The following AGPAT3 variants were observed in gnomAD, a reference collection of about 807,000 sequenced individuals.
AGPAT3 encodes 1-acyl-sn-glycerol-3-phosphate acyltransferase gamma.
AGPAT3 carries 5 observed loss-of-function variants against 47.3 expected under a neutral mutation model. The observed-to-expected ratio is 0.11, with a 90% CI of 0.06 to 0.22. The LOEUF is 0.22. Ranked by LOEUF, AGPAT3 falls within the 10% of genes least tolerant of loss-of-function variation. AGPAT3 has a pLI of 1.00. For synonymous variants in AGPAT3, 212 were observed against 208.3 expected (o/e 1.02, Z -0.15); for missense variants, 315 against 493.0 (o/e 0.64, Z 3.42).
intron 1 of AGPAT3, among the ~76,000 whole-genome samples, chr21:43,875,890 GAGCCACCGTGCCC>G (rs2085723057): frequency 6.6e-6 from 1 of 152,206 alleles, no homozygotes; most frequent in South Asian, 2.1e-4. Context: ...TTACAGGTGT[GAGCCACCGTGCCC>G]AGCCTCTGCG....
At position 43,950,143 on chromosome 21, in the gene AGPAT3, ACT is replaced by A. The variant is rs943598112; in HGVS notation, c.-48-9488_-48-9487del. On this transcript the variant is annotated intron_variant, in intron 2 of 9. Coordinates refer to ENST00000291572, the MANE Select transcript of AGPAT3 (RefSeq NM_020132.5). ...GAGCCATTAAGAGAGCAAGAGATAA[ACT>A]CTGTGATTGTCTTGGTCTCTTCTGA... is the stretch of plus-strand genomic sequence containing the variant. Among the ~76,000 whole-genome samples, 19 of 152,076 alleles carry A rather than the reference ACT, an allele frequency of 1.2e-4. 1 individual carries two copies. Among genetic ancestry groups the A allele is most frequent in the African/African-American group, 4.1e-4 (17 of 41,472 alleles).
intron 3 of AGPAT3, among the ~76,000 whole-genome samples, chr21:43,962,954 A>G (rs1216036097): frequency 6.6e-6 from 1 of 152,214 alleles, no homozygotes; most frequent in Non-Finnish European, 1.5e-5. Context: ...AGAACTGTAG[A>G]TATTTTAAAG....
At chr21:43,907,994 T>C (rs554235733) in intron 2 of AGPAT3, among the ~76,000 whole-genome samples, 3 of 152,184 alleles carry the variant, frequency 2.0e-5, no homozygotes, top group Non-Finnish European at 4.4e-5. Context: ...CGTGGAAGCA[T>C]GTTCCCGTAA....
At position 43,903,134 on chromosome 21, in the gene AGPAT3, T is replaced by C. The variant is rs116496362; in HGVS notation, c.-111-823T>C. 8.9e-3 allele frequency among the ~76,000 whole-genome samples: 1,359 copies of C among 152,338 alleles called. 23 individuals carry two copies. Among genetic ancestry groups the C allele is most frequent in the African/African-American group, 0.03 (1,256 of 41,566 alleles). ...AAGTGGGTGAGCTTTGAGGACATTA[T>C]ACTGAGTGAAATAAGCCAGTCACAT... is the stretch of plus-strand genomic sequence containing the variant. On this transcript the variant is annotated intron_variant, in intron 1 of 9. Transcript: ENST00000291572.
At chr21:43,868,033 G>T (rs896341476) in intron 1 of AGPAT3, among the ~76,000 whole-genome samples, 3 of 152,170 alleles carry the variant, frequency 2.0e-5, no homozygotes, top group Admixed American at 6.5e-5. Context: ...TGCATTAATC[G>T]TTCACCTTCT....
At position 43,932,190 on chromosome 21, in the gene AGPAT3, G is replaced by A. The variant is rs866601143; in HGVS notation, c.-48-27444G>A. On this transcript the variant is annotated intron_variant, in intron 2 of 9. Coordinates refer to ENST00000291572, the MANE Select transcript of AGPAT3 (RefSeq NM_020132.5). This position sits in a 1 kb window ranked among gnomAD's most constrained non-coding sequence, Gnocchi z 5.2. ...TATTGTTAACTGGTCGCCACGCAGC[G>A]CGGCCGATCACGAACACGTCCCTCC... 1.3e-5 allele frequency among the ~76,000 whole-genome samples: 2 copies of A among 152,250 alleles called. No homozygotes were observed. The highest frequency in any genetic ancestry group is 2.4e-5 in the African/African-American group (1 of 41,536).
At position 43,922,286 on chromosome 21, in the gene AGPAT3, C is replaced by G. The variant is rs768359123; in HGVS notation, c.-49+18267C>G. 6.6e-6 allele frequency among the ~76,000 whole-genome samples: 1 copy of G among 151,934 alleles called. No individual in the cohort carries two copies. Among genetic ancestry groups the G allele is most frequent in the Non-Finnish European group, 1.5e-5 (1 of 67,932 alleles). ...GAGGCTCCTGTTCTTGTGGGGGTGG[C>G]GAGGCGAGGATGGTGAACACATCAG... is the stretch of plus-strand genomic sequence containing the variant. On this transcript the variant is annotated intron_variant, in intron 2 of 9. Coordinates refer to ENST00000291572, the MANE Select transcript of AGPAT3 (RefSeq NM_020132.5). The surrounding 1 kb of genome is among the most constrained non-coding windows in gnomAD (Gnocchi z 4.9).
rs1051013429 is a variant in AGPAT3 at position 43,954,578 on chromosome 21, CG to C, written c.-48-5053del. Reference sequence around the variant, plus strand: ...CTCCAGGACGTAGAGGTTGATGATCCGGGCAGGTGGCCTTCAGCGAGGGAGC... The same window carrying C: ...CTCCAGGACGTAGAGGTTGATGATCCGGCAGGTGGCCTTCAGCGAGGGAGC... On this transcript the variant is annotated intron_variant, in intron 2 of 9. Coordinates refer to ENST00000291572, the MANE Select transcript of AGPAT3 (RefSeq NM_020132.5). This position sits in a 1 kb window ranked among gnomAD's most constrained non-coding sequence, Gnocchi z 4.0. The C allele has an allele frequency of 1.3e-5, 2 of 152,304 alleles. No homozygotes were observed. Among genetic ancestry groups the C allele is most frequent in the Non-Finnish European group, 2.9e-5 (2 of 68,110 alleles). 9.4% of individuals were successfully genotyped at this position (152,304 alleles called of 1,614,324 possible).
Position 43,922,006 on chromosome 21 carries a change from T to C in AGPAT3, c.-49+17987T>C, listed in dbSNP as rs935345284. ...ATTCTTTTCCTGATTTCTCTGTCTCTCGATGCCATTTTTGTGAAGGTTTAG... is the reference window on the plus strand; with the variant it reads ...ATTCTTTTCCTGATTTCTCTGTCTCCCGATGCCATTTTTGTGAAGGTTTAG... On this transcript the variant is annotated intron_variant, in intron 2 of 9. Coordinates refer to ENST00000291572, the MANE Select transcript of AGPAT3 (RefSeq NM_020132.5). This position sits in a 1 kb window ranked among gnomAD's most constrained non-coding sequence, Gnocchi z 4.9. Among the ~76,000 whole-genome samples the C allele has an allele frequency of 1.8e-4, 28 of 152,320 alleles. 1 individual carries two copies. The highest frequency in any genetic ancestry group is 6.0e-4 in the African/African-American group (25 of 41,564).
At chr21:43,927,151 G>A (rs1329592024) in intron 2 of AGPAT3, among the ~76,000 whole-genome samples, 1 of 152,000 alleles carries the variant, frequency 6.6e-6, no homozygotes. Context: ...ACGGGGTGAG[G>A]GCTGAGCATT....
intron 1 of AGPAT3, among the ~76,000 whole-genome samples, chr21:43,897,794 A>G (rs940009645): frequency 2.0e-5 from 3 of 152,268 alleles, no homozygotes; most frequent in Middle Eastern, 3.4e-3. Flanking sequence ...GCAGGCGGCT[A>G]GGAGGTGGAG....
Position 43,970,714 on chromosome 21 carries a change from TGGC to T in AGPAT3, c.576_578del (p.Ala194del). On this transcript the variant is annotated inframe_deletion, in exon 6 of 10. Coordinates refer to ENST00000291572, the MANE Select transcript of AGPAT3 (RefSeq NM_020132.5). This position sits in a 1 kb window ranked among gnomAD's most constrained non-coding sequence, Gnocchi z 5.8. ...ACCAAGCACCGCGTTAGCATGGAGG[TGGC>T]GGCTGCTAAGGGGCTTCCTGTCCTC... is the stretch of plus-strand genomic sequence containing the variant. The T allele has an allele frequency of 6.2e-7, 1 of 1,613,448 alleles. No homozygotes were observed.
At chr21:43,974,033 C>T (rs1453049618) in intron 7 of AGPAT3, among the ~76,000 whole-genome samples, 7 of 152,012 alleles carry the variant, frequency 4.6e-5, no homozygotes, top group African/African-American at 7.3e-5. Context: ...AACAGACATA[C>T]GATAAAACCT....
chr21:43,961,639 C>T (rs1419984977), intron 3 of AGPAT3, among the ~76,000 whole-genome samples: 1 of 150,780 alleles, frequency 6.6e-6, no homozygotes, highest in Non-Finnish European at 1.5e-5. Context: ...ACGGTGAGCG[C>T]GTATACGCTT....
Position 43,955,585 on chromosome 21 carries a change from C to T in AGPAT3, c.-48-4049C>T, listed in dbSNP as rs959034265. Among the ~76,000 whole-genome samples the T allele has an allele frequency of 2.0e-5, 3 of 152,052 alleles. No homozygotes were observed. The highest frequency in any genetic ancestry group is 4.0e-4 in the East Asian group (2 of 5,062). On this transcript the variant is annotated intron_variant, in intron 2 of 9. Transcript: ENST00000291572. This position sits in a 1 kb window ranked among gnomAD's most constrained non-coding sequence, Gnocchi z 4.1. The stretch of plus-strand genomic sequence containing the variant: ...CTCAGATTACAGGTGTGAGCCACCG[C>T]GCCCGGCTGAGAATCTGATTTTTAA...
At chr21:43,882,033 G>A (rs56242868) in intron 1 of AGPAT3, among the ~76,000 whole-genome samples, 2,461 of 152,370 alleles carry the variant, frequency 0.016, 23 homozygotes, top group Non-Finnish European at 0.026. Context: ...CACACAGGCC[G>A]GCATTTGCAG....
Position 43,954,954 on chromosome 21 carries a change from G to C in AGPAT3, c.-48-4680G>C, listed in dbSNP as rs575463685. On this transcript the variant is annotated intron_variant, in intron 2 of 9. Coordinates refer to ENST00000291572, the MANE Select transcript of AGPAT3 (RefSeq NM_020132.5). This position sits in a 1 kb window ranked among gnomAD's most constrained non-coding sequence, Gnocchi z 4.0. Reference sequence around the variant, plus strand: ...TCAGGTGATGGACCAGAGACTGGCCGCTTTGTGACACCGAGGACGGTTGAT... The same window carrying C: ...TCAGGTGATGGACCAGAGACTGGCCCCTTTGTGACACCGAGGACGGTTGAT... 4 of 1,041,934 alleles carry C rather than the reference G, an allele frequency of 3.8e-6. No homozygotes were observed. The East Asian group carries it at 3.5e-4, about 91-fold the overall frequency. The allele number at this position is 1,041,934 out of a possible 1,614,324, so 64.5% of individuals were successfully genotyped here.
Position 43,939,583 on chromosome 21 carries a change from T to G in AGPAT3, c.-48-20051T>G, listed in dbSNP as rs2087581997. 6.6e-6 allele frequency among the ~76,000 whole-genome samples: 1 copy of G among 151,952 alleles called. No homozygotes were observed. Among genetic ancestry groups the G allele is most frequent in the South Asian group, 2.1e-4 (1 of 4,826 alleles). ...AAACCTTGCTGCAGTTTGGAGAGAG[T>G]GTCGCGGGCGCCTGGCCTGTCCGGC... On this transcript the variant is annotated intron_variant, in intron 2 of 9. Coordinates refer to ENST00000291572, the MANE Select transcript of AGPAT3 (RefSeq NM_020132.5). This position sits in a 1 kb window ranked among gnomAD's most constrained non-coding sequence, Gnocchi z 4.4.
rs575294544 is a variant in AGPAT3, at chr21:43,959,339, CGT to C, written c.-48-287_-48-286del. 8.3e-3 allele frequency among the ~76,000 whole-genome samples: 676 copies of C among 81,134 alleles called. 2 individuals carry two copies. Among genetic ancestry groups the C allele is most frequent in the Non-Finnish European group, 0.011 (431 of 41,026 alleles). The allele number at this position is 81,134 out of a possible 152,430, so 53.2% of individuals were successfully genotyped here. A position where few individuals can be genotyped will look rare whatever the true frequency, so the allele number is the denominator to read the frequency against. On this transcript the variant is annotated intron_variant, in intron 2 of 9. Transcript: ENST00000291572. The stretch of plus-strand genomic sequence containing the variant: ...CGTGTGTGTGGTTGTGTGTGTGTGG[CGT>C]GTGTGTGGTATGTGTGTGGCATGTG...
Sources: gnomAD v4.1 joint callset for allele counts (sites outside exome capture counted in the v4.1 genomes callset) on GRCh38, gnomAD v4.1.1 for gene constraint, Gnocchi (gnomAD v3.1) non-coding constraint, MANE v1.5 for transcripts, NCBI Gene and HGNC (gene_info 2026-07-23, HGNC 2026-07-21) for gene names.